Variants in CCSER1 observed in about 807,000 individuals in gnomAD.
CCSER1 encodes serine-rich coiled-coil domain-containing protein 1.
Under a neutral mutation model 82.0 loss-of-function variants are expected in CCSER1, and 41 were observed. The ratio of observed to expected loss-of-function variants is 0.50; its 90% confidence interval spans 0.39 to 0.65. The LOEUF is 0.65. CCSER1 is among the 30% of genes least tolerant of loss of function. The pLI is 0.00. For missense variants in CCSER1, 1,119 were observed against 1,064.2 expected (o/e 1.05, Z -0.72); for synonymous variants, 414 against 383.9 (o/e 1.08, Z -0.92).
At position 90,844,171 on chromosome 4, in the gene CCSER1, T is replaced by C. The variant is rs184506680; in HGVS notation, c.2094+28326T>C. 2.0e-5 allele frequency among the ~76,000 whole-genome samples: 3 copies of C among 151,388 alleles called. No individual in the cohort carries two copies. In the East Asian group the frequency reaches 5.8e-4, roughly 29 times the overall value. ...TGTTGTGTATATATAGATAGATAGA[T>C]AGAGAATATATACATAGATATAGAT... On this transcript the variant is annotated intron_variant, in intron 8 of 10. Coordinates refer to ENST00000509176, the MANE Select transcript of CCSER1 (RefSeq NM_001145065.2).
intron 3 of CCSER1, among the ~76,000 whole-genome samples, chr4:90,329,242 T>G (rs1738829523): frequency 6.8e-6 from 1 of 146,856 alleles, no homozygotes; most frequent in African/African-American, 2.4e-5. Flanking sequence ...ATGATTGATT[T>G]GGGAAAGGAC....
Position 91,602,949 on chromosome 4 carries a change from A to G in CCSER1, c.*3892A>G, listed in dbSNP as rs1229117626. On this transcript the variant is annotated 3_prime_UTR_variant, in exon 11 of 11. Transcript: ENST00000509176. ...TATGTATTTTCATATGCATATATAT[A>G]TTTTTGTATAAGAAGTATTTCAATC... Among the ~76,000 whole-genome samples the G allele has an allele frequency of 6.6e-6, 1 of 152,046 alleles. No homozygotes were observed. The highest frequency in any genetic ancestry group is 1.5e-5 in the Non-Finnish European group (1 of 67,934).
chr4:90,565,240 T>C (rs1258293354), intron 5 of CCSER1, among the ~76,000 whole-genome samples: 1 of 152,032 alleles, frequency 6.6e-6, no homozygotes, highest in Non-Finnish European at 1.5e-5. Flanking sequence ...TTTTACCTCT[T>C]TGGTTAATTT....
At chr4:90,395,023 A>G (rs1751757875) in intron 3 of CCSER1, among the ~76,000 whole-genome samples, 1 of 152,194 alleles carries the variant, frequency 6.6e-6, no homozygotes, top group Non-Finnish European at 1.5e-5. Context: ...GATCTTCAGA[A>G]CTTACTTCTC....
chr4:90,158,578 A>G (rs1270349226), intron 1 of CCSER1, among the ~76,000 whole-genome samples: 1 of 152,210 alleles, frequency 6.6e-6, no homozygotes, highest in Non-Finnish European at 1.5e-5. Flanking sequence ...AAGCCTGGGC[A>G]ATGGCGGGCT....
chr4:90,611,054 C>CTTTTCTTTTTTT (rs1785412212), intron 5 of CCSER1, among the ~76,000 whole-genome samples: 1 of 75,060 alleles, frequency 1.3e-5, no homozygotes, highest in Non-Finnish European at 2.4e-5. Context: ...ATTTTCTTTT[C>CTTTTCTTTTTTT]TTTTCTTTTT....
chr4:91,404,564 A>G (rs1038095738), intron 10 of CCSER1, among the ~76,000 whole-genome samples: 1 of 152,112 alleles, frequency 6.6e-6, no homozygotes, highest in Non-Finnish European at 1.5e-5. Flanking sequence ...ACACTGCTTT[A>G]AATGTGTCCC....
chr4:90,592,775 C>T (rs536623118), intron 5 of CCSER1, among the ~76,000 whole-genome samples: 1 of 152,136 alleles, frequency 6.6e-6, no homozygotes, highest in African/African-American at 2.4e-5. Context: ...TTTGTATCCT[C>T]TGAAGTCCCT....
chr4:90,934,515 G>A (rs1730677015), intron 9 of CCSER1, among the ~76,000 whole-genome samples: 4 of 152,164 alleles, frequency 2.6e-5, no homozygotes, highest in African/African-American at 9.7e-5. Context: ...CAGTAGTCAG[G>A]AAACAGGAAG....
At chr4:90,374,596 C>T (rs1747996060) in intron 3 of CCSER1, among the ~76,000 whole-genome samples, 1 of 152,122 alleles carries the variant, frequency 6.6e-6, no homozygotes, top group Admixed American at 6.6e-5. Context: ...TTCCCTGTCC[C>T]ATATGTGTCA....
chr4:90,158,754 G>T (rs1045688542), intron 1 of CCSER1, among the ~76,000 whole-genome samples: 17 of 152,162 alleles, frequency 1.1e-4, no homozygotes, highest in Non-Finnish European at 2.5e-4. Flanking sequence ...GGGTGGGACT[G>T]ACCCGATTTT....
intron 3 of CCSER1, among the ~76,000 whole-genome samples, chr4:90,380,464 T>A (rs1185678740): frequency 6.6e-6 from 1 of 152,220 alleles, no homozygotes; most frequent in South Asian, 2.1e-4. Context: ...CTTCATATAC[T>A]TTTCCATTCA....
chr4:91,322,147 T>C (rs1020700623), intron 10 of CCSER1, among the ~76,000 whole-genome samples: 21 of 152,166 alleles, frequency 1.4e-4, no homozygotes, highest in Admixed American at 3.3e-4. Context: ...TTTAGCAGGG[T>C]TAAAAATCCA....
chr4:91,416,122 T>C (rs993488076), intron 10 of CCSER1, among the ~76,000 whole-genome samples: 1 of 152,056 alleles, frequency 6.6e-6, no homozygotes, highest in Non-Finnish European at 1.5e-5. Flanking sequence ...GGTTCAGTCT[T>C]GGGTAGGAAT....
intron 10 of CCSER1, among the ~76,000 whole-genome samples, chr4:91,500,265 A>T (rs1458497063): frequency 2.0e-5 from 3 of 152,004 alleles, no homozygotes; most frequent in Non-Finnish European, 2.9e-5. Context: ...CCATCTCTAG[A>T]TCCTCTTTTA....
intron 9 of CCSER1, among the ~76,000 whole-genome samples, chr4:90,964,290 T>G (rs1252598880): frequency 1.3e-5 from 2 of 152,156 alleles, no homozygotes; most frequent in Non-Finnish European, 2.9e-5. Context: ...TTTGTATCTA[T>G]AAATATAATA....
intron 5 of CCSER1, among the ~76,000 whole-genome samples, chr4:90,610,009 T>G (rs923003323): frequency 6.6e-6 from 1 of 152,050 alleles, no homozygotes; most frequent in African/African-American, 2.4e-5. Context: ...TCCCAGCACT[T>G]TGGGAGGCCA....
chr4:91,548,532 T>C (rs1436533784), intron 10 of CCSER1, among the ~76,000 whole-genome samples: 1 of 151,578 alleles, frequency 6.6e-6, no homozygotes, highest in Non-Finnish European at 1.5e-5. Flanking sequence ...ATTTTTTTGC[T>C]AGGTAAGTCT....
At chr4:91,066,748 T>C (rs1219004087) in intron 9 of CCSER1, among the ~76,000 whole-genome samples, 3 of 152,196 alleles carry the variant, frequency 2.0e-5, no homozygotes, top group Non-Finnish European at 4.4e-5. Flanking sequence ...GTGGACTAAA[T>C]GATTTCTGAG....
Sources: allele counts gnomAD v4.1 joint callset (sites outside exome capture counted in the v4.1 genomes callset), GRCh38; gene constraint gnomAD v4.1.1; transcripts MANE v1.5; gene names NCBI Gene and HGNC (gene_info 2026-07-23, HGNC 2026-07-21).